The following ATP5MF variants were observed in gnomAD, a reference collection of about 807,000 sequenced individuals.
ATP5MF encodes the protein ATP synthase membrane subunit f, also known as ATP synthase F(0) complex subunit f, mitochondrial.
Under a neutral mutation model 13.8 loss-of-function variants are expected in ATP5MF, and 10 were observed. The observed-to-expected ratio is 0.72, with a 90% confidence interval of 0.45 to 1.23. The LOEUF (loss-of-function observed/expected upper bound fraction) is 1.23, where lower values mean the gene tolerates loss of function less well. Ranked by LOEUF, ATP5MF falls within the 50% of genes most tolerant of loss-of-function variation. The pLI, the probability that ATP5MF is intolerant of heterozygous loss-of-function variation, is 0.00. For synonymous variants in ATP5MF, 40 were observed against 45.8 expected (o/e 0.87, Z 0.51); for missense variants, 122 against 118.2 (o/e 1.03, Z -0.15).
chr7:99,459,271 C>T lies in ATP5MF; in HGVS notation c.140-8G>A, dbSNP rs776649727. Reference sequence around the variant, plus strand: ...TGTAGTACCGGTAGTAACCTGCAAACGCAAGAGGCGCTCACTGCCCTGCTG... The same window carrying T: ...TGTAGTACCGGTAGTAACCTGCAAATGCAAGAGGCGCTCACTGCCCTGCTG... On this transcript the variant is annotated splice_region_variant and splice_polypyrimidine_tract_variant and intron_variant, in intron 2 of 3. Transcript: ENST00000292475. 1.0e-5 allele frequency: 16 copies of T among 1,597,168 alleles called. No homozygotes were observed. Among genetic ancestry groups the T allele is most frequent in the African/African-American group, 5.4e-5 (4 of 74,608 alleles).
chr7:99,459,864 G>A (rs951485389), intron 2 of ATP5MF: 20 of 535,212 alleles, frequency 3.7e-5, no homozygotes, highest in Middle Eastern at 5.0e-4. Flanking sequence ...CTGATTCCAA[G>A]CAACAGGAAA....
rs1234329420 is a variant in ATP5MF, at chr7:99,459,152, T to C, written c.251A>G (p.His84Arg). The part of the protein sequence containing the change: ...VLFSYSFSYK[H>R]LKHERLRKYH Reference sequence around the variant, plus strand: ...GACGCCGCAGAGGCACTCACTGAGATGCTTGTAGGAAAAGGAGTAGCTAAA... The same window carrying C: ...GACGCCGCAGAGGCACTCACTGAGACGCTTGTAGGAAAAGGAGTAGCTAAA... Residue 84 changes from histidine (H) to arginine (R), a missense_variant, in exon 3 of 4, where the codon CAT becomes CGT. His to Arg is a conservative substitution (Grantham distance 29). Transcript: ENST00000292475. 1.2e-6 allele frequency: 2 copies of C among 1,612,624 alleles called. No individual in the cohort carries two copies. Among genetic ancestry groups the C allele is most frequent in the Non-Finnish European group, 1.7e-6 (2 of 1,179,178 alleles).
intron 2 of ATP5MF, 59 bp downstream of exon 2, chr7:99,460,027 A>C (rs1584528938): frequency 6.5e-7 from 1 of 1,547,862 alleles, no homozygotes; most frequent in African/African-American, 1.4e-5. Flanking sequence ...TCATGGCAAA[A>C]AAGAGATCTG....
At chr7:99,460,603 G>A in intron 1 of ATP5MF, 2 of 479,296 alleles carry the variant, frequency 4.2e-6, no homozygotes, top group Non-Finnish European at 8.4e-6. Context: ...GATAGACTCA[G>A]AGAGGTTGGG....
At chr7:99,463,822 C>A (rs772276306) in intron 1 of ATP5MF, among the ~76,000 whole-genome samples, 13 of 152,038 alleles carry the variant, frequency 8.6e-5, no homozygotes, top group Non-Finnish European at 1.3e-4. Flanking sequence ...AACAAAAAAA[C>A]CATTCTGAGC....
chr7:99,459,219 T>TC lies in ATP5MF; in HGVS notation c.183dup (p.Ser62GlufsTer16). The TC allele has an allele frequency of 1.9e-6, 3 of 1,614,122 alleles. No individual in the cohort carries two copies. The highest frequency in any genetic ancestry group is 2.5e-6 in the Non-Finnish European group (3 of 1,180,010). On this transcript the variant is annotated frameshift_variant, in exon 3 of 4. Transcript: ENST00000292475. LOFTEE classifies it high-confidence loss of function. ...AGCACCATGGTAATCCCCGAGATGC[T>TC]CCCCTTCTTCACATTGATGTACTTG...
intron 2 of ATP5MF, 21 bp from the exon 3 acceptor site, chr7:99,459,284 C>T (rs764449264): frequency 6.4e-7 from 1 of 1,564,788 alleles, no homozygotes; most frequent in Non-Finnish European, 8.8e-7. Flanking sequence ...AAGAGGCGCT[C>T]ACTGCCCTGC....
intron 1 of ATP5MF, among the ~76,000 whole-genome samples, chr7:99,462,288 T>TAA (rs755455949): frequency 0.028 from 854 of 30,896 alleles, 65 homozygotes; most frequent in African/African-American, 0.078. Context: ...CCATCACTAC[T>TAA]AAAAAAAAAA....
rs1044974293 is a variant in ATP5MF, at chr7:99,458,214, G to A, written c.*113C>T. On this transcript the variant is annotated 3_prime_UTR_variant, in exon 4 of 4. Coordinates refer to ENST00000292475, the MANE Select transcript of ATP5MF (RefSeq NM_004889.5). ...CACACGTACCAGTCATGTTTTATTT[G>A]GAGGTTAATTCCTATTAGGATATGA... 8.9e-7 allele frequency: 1 copy of A among 1,118,758 alleles called. No individual in the cohort carries two copies. The highest frequency in any genetic ancestry group is 1.6e-5 in the African/African-American group (1 of 64,382). 69.3% of individuals were successfully genotyped at this position (1,118,758 alleles called of 1,614,324 possible).
chr7:99,462,788 T>C (rs1159986019), intron 1 of ATP5MF, among the ~76,000 whole-genome samples: 1 of 152,192 alleles, frequency 6.6e-6, no homozygotes, highest in Non-Finnish European at 1.5e-5. Flanking sequence ...ATTCCACGAA[T>C]TTCTCTTTCA....
chr7:99,460,051 T>G, intron 2 of ATP5MF, 35 bp downstream of exon 2: 1 of 1,572,916 alleles, frequency 6.4e-7, no homozygotes, highest in Non-Finnish European at 8.6e-7. Context: ...ACCCAGAGAT[T>G]TGCTTTCATT....
At chr7:99,462,288 TAAAAAAAAAAAAAAAAAA>T (rs755455949) in intron 1 of ATP5MF, among the ~76,000 whole-genome samples, 45 of 30,902 alleles carry the variant, frequency 1.5e-3, no homozygotes, top group African/African-American at 5.8e-3. Context: ...CCATCACTAC[TAAAAAAAAAAAAAAAAAA>T]AAAAAAAAAA....
At chr7:99,464,829 G>A (rs1164044443) in intron 1 of ATP5MF, among the ~76,000 whole-genome samples, 1 of 151,920 alleles carries the variant, frequency 6.6e-6, no homozygotes, top group African/African-American at 2.4e-5. Flanking sequence ...CCGGGCGTAG[G>A]TACTGGTGTG....
Position 99,459,252 on chromosome 7 carries a change from A to G in ATP5MF, c.151T>C (p.Tyr51His), listed in dbSNP as rs1298761909. The G allele has an allele frequency of 1.9e-6, 3 of 1,613,420 alleles. No individual in the cohort carries two copies. The highest frequency in any genetic ancestry group is 2.5e-6 in the Non-Finnish European group (3 of 1,179,448). Residue 51 changes from tyrosine to histidine, a missense_variant, in exon 3 of 4, where the codon TAC (tyrosine) becomes CAC (histidine). Physicochemically the swap from Tyr to His is moderately conservative, Grantham distance 83. Transcript: ENST00000292475. Reference sequence around the variant, plus strand: ...TTCACATTGATGTACTTGTTGTAGTACCGGTAGTAACCTGCAAACGCAAGA... The same window carrying G: ...TTCACATTGATGTACTTGTTGTAGTGCCGGTAGTAACCTGCAAACGCAAGA... ...FGAFQRGYYR[Y>H]YNKYINVKKG... is the part of the protein sequence containing the mutation.
In ATP5MF at chr7:99,458,232, G is replaced by A. The variant is rs1478372092; in HGVS notation, c.*95C>T. On this transcript the variant is annotated 3_prime_UTR_variant, in exon 4 of 4. Coordinates refer to ENST00000292475, the MANE Select transcript of ATP5MF (RefSeq NM_004889.5). ...TTTATTTGGAGGTTAATTCCTATTA[G>A]GATATGAAAGGATTCAGCAACGATT... The A allele has an allele frequency of 5.5e-6, 7 of 1,280,172 alleles. No homozygotes were observed. Among genetic ancestry groups the A allele is most frequent in the Non-Finnish European group, 7.7e-6 (7 of 908,340 alleles). The allele number at this position is 1,280,172 out of a possible 1,614,324, so 79.3% of individuals were successfully genotyped here. A position where few individuals can be genotyped will look rare whatever the true frequency, so the allele number is the denominator to read the frequency against.
chr7:99,460,373 G>T (rs1001645276), intron 1 of ATP5MF, 180 bp from the exon 2 acceptor site: 1 of 761,072 alleles, frequency 1.3e-6, no homozygotes, highest in African/African-American at 1.7e-5. Flanking sequence ...TTAAGACTGA[G>T]TCTATACAAT....
At position 99,458,335 on chromosome 7, in the gene ATP5MF, A is replaced by G. The variant is rs769252569; in HGVS notation, c.277T>C (p.Tyr93His). 14 of 1,609,818 alleles carry G rather than the reference A, an allele frequency of 8.7e-6. No homozygotes were observed. In the South Asian group the frequency reaches 1.4e-4, roughly 17 times the overall value. ...KHLKHERLRKYH is the reference protein window; with the variant it reads ...KHLKHERLRKHH ...TGCAGAGTGTGTCCTCTTCAGTGGT[A>G]TTTGCGGAGCCGCTCGTGCTCTGAA... The change falls in exon 4 of 4, where the codon TAC (tyrosine) becomes CAC (histidine). Residue 93 changes from tyrosine to histidine, a missense_variant. Tyr to His is a moderately conservative substitution (Grantham distance 83). Transcript: ENST00000292475.
At chr7:99,461,748 T>C (rs1042443092) in intron 1 of ATP5MF, among the ~76,000 whole-genome samples, 9 of 151,240 alleles carry the variant, frequency 6.0e-5, no homozygotes, top group Non-Finnish European at 1.3e-4. Flanking sequence ...AACCTCCACC[T>C]CCTGGTTCTA....
At position 99,460,306 on chromosome 7, in the gene ATP5MF, A is replaced by G. The variant is rs1798543370; in HGVS notation, c.32-113T>C. 3.4e-6 allele frequency: 4 copies of G among 1,170,502 alleles called. No homozygotes were observed. In the South Asian group the frequency reaches 4.0e-5, roughly 12 times the overall value. 72.5% of individuals were successfully genotyped at this position (1,170,502 alleles called of 1,614,324 possible). A position where few individuals can be genotyped will look rare whatever the true frequency, so the allele number is the denominator to read the frequency against. On this transcript the variant is annotated intron_variant, in intron 1 of 3. Coordinates refer to ENST00000292475, the MANE Select transcript of ATP5MF (RefSeq NM_004889.5). ...CAATAAAGGTGCATAATGCAATTAC[A>G]CAGAGGCTGCACATACACAATATTA...
Sources: allele counts gnomAD v4.1 joint callset (sites outside exome capture counted in the v4.1 genomes callset), GRCh38; gene constraint gnomAD v4.1.1; transcripts MANE v1.5; gene names NCBI Gene and HGNC (gene_info 2026-07-23, HGNC 2026-07-21).